SORCS2: variants seen among roughly 807,000 people sequenced by gnomAD.
The protein encoded by SORCS2 is VPS10 domain-containing receptor SorCS2.
SORCS2 carries 100 observed loss-of-function variants against 141.6 expected under a neutral mutation model. The observed-to-expected ratio is 0.71, with a 90% confidence interval of 0.60 to 0.83. SORCS2 has a LOEUF of 0.83. Among genes scored for constraint, SORCS2 ranks in the 40% least tolerant of loss-of-function variants. The probability of loss-of-function intolerance (pLI) is 0.00; values close to 1 mark genes in which losing one functional copy is unlikely to be tolerated. For missense variants in SORCS2, 1,646 were observed against 1,560.2 expected (o/e 1.05, Z -0.93); for synonymous variants, 789 against 676.9 (o/e 1.17, Z -2.57).
At position 7,208,986 on chromosome 4, in the gene SORCS2, G is replaced by A. The variant is rs76340714; in HGVS notation, c.480+15860G>A. Among the ~76,000 whole-genome samples, 1,231 of 152,284 alleles carry A rather than the reference G, an allele frequency of 8.1e-3. 14 individuals are homozygous for A. The highest frequency in any genetic ancestry group is 0.028 in the African/African-American group (1,165 of 41,586). On this transcript the variant is annotated intron_variant, in intron 1 of 26. Transcript: ENST00000507866. ...CCTGCCTCAGGGGGCCCCTGCCTGC[G>A]TCCCTCACCCCGGACCACACTTCTG...
chr4:7,638,011 G>T (rs144766673), intron 3 of SORCS2, among the ~76,000 whole-genome samples: 1 of 152,186 alleles, frequency 6.6e-6, no homozygotes, highest in Non-Finnish European at 1.5e-5. Context: ...ACACTGAGCC[G>T]GTCAGGTTGG....
chr4:7,737,484 G>C (rs1712286656), intron 26 of SORCS2, among the ~76,000 whole-genome samples: 1 of 152,196 alleles, frequency 6.6e-6, no homozygotes, highest in South Asian at 2.1e-4. Context: ...AACAGGGCTG[G>C]CTTTGAAAGG....
At chr4:7,582,947 T>C (rs187895490) in intron 3 of SORCS2, among the ~76,000 whole-genome samples, 57 of 152,344 alleles carry the variant, frequency 3.7e-4, no homozygotes, top group Admixed American at 2.4e-3. Flanking sequence ...ACCGTGGGCT[T>C]ATTCCTTGAA....
intron 7 of SORCS2, among the ~76,000 whole-genome samples, chr4:7,665,698 G>C (rs1577917164): frequency 6.6e-6 from 1 of 152,152 alleles, no homozygotes; most frequent in African/African-American, 2.4e-5. Context: ...CTGAGGCTGG[G>C]CTCTAGGTCT....
intron 1 of SORCS2, among the ~76,000 whole-genome samples, chr4:7,373,479 T>TATATATATATAA (rs60434529): frequency 7.7e-4 from 12 of 15,522 alleles, no homozygotes; most frequent in African/African-American, 1.8e-3. Context: ...TATATATATA[T>TATATATATATAA]TTTTTTTTTT....
chr4:7,421,023 C>T (rs958934432), intron 2 of SORCS2, among the ~76,000 whole-genome samples: 3 of 152,226 alleles, frequency 2.0e-5, no homozygotes, highest in African/African-American at 7.2e-5. Flanking sequence ...TTCTGCCCTC[C>T]TCCTTGGAGA....
At position 7,403,979 on chromosome 4, in the gene SORCS2, A is replaced by G. The variant is rs1358458708; in HGVS notation, c.548+7624A>G. ...CATGTGTGTATATATATATATATAT[A>G]TATATATATATATATATATTTTTTT... On this transcript the variant is annotated intron_variant, in intron 2 of 26. Transcript: ENST00000507866. Among the ~76,000 whole-genome samples the G allele has an allele frequency of 3.1e-3, 56 of 17,866 alleles. 1 individual carries two copies. The highest frequency in any genetic ancestry group is 5.5e-3 in the South Asian group (5 of 912). The allele number at this position is 17,866 out of a possible 152,430, so 11.7% of individuals were successfully genotyped here.
At chr4:7,540,794 C>T (rs1266381391) in intron 3 of SORCS2, among the ~76,000 whole-genome samples, 3 of 152,200 alleles carry the variant, frequency 2.0e-5, no homozygotes, top group African/African-American at 4.8e-5. Flanking sequence ...CCCCGCACCC[C>T]GGGTGTGAAG....
chr4:7,543,899 TCCATCCAC>T (rs1560373696), intron 3 of SORCS2, among the ~76,000 whole-genome samples: 2 of 17,810 alleles, frequency 1.1e-4, no homozygotes, highest in African/African-American at 3.2e-4. Flanking sequence ...CACCCATCCA[TCCATCCAC>T]CCATCCACCC....
intron 3 of SORCS2, among the ~76,000 whole-genome samples, chr4:7,604,064 G>A (rs1717906202): frequency 6.6e-6 from 1 of 152,140 alleles, no homozygotes; most frequent in Non-Finnish European, 1.5e-5. Context: ...CTGTGTGTGT[G>A]TCGTGTGAGG....
intron 2 of SORCS2, among the ~76,000 whole-genome samples, chr4:7,467,326 C>T (rs1368998235): frequency 1.3e-5 from 2 of 152,180 alleles, no homozygotes; most frequent in Non-Finnish European, 2.9e-5. Flanking sequence ...CCCTAGGGCT[C>T]CCACTCAGAT....
rs1409935496 is a variant in SORCS2, at chr4:7,664,906, A to T, written c.1071+435A>T. Among the ~76,000 whole-genome samples the T allele has an allele frequency of 6.6e-6, 1 of 152,178 alleles. No individual in the cohort carries two copies. Among genetic ancestry groups the T allele is most frequent in the East Asian group, 1.9e-4 (1 of 5,190 alleles). On this transcript the variant is annotated intron_variant, in intron 7 of 26. Coordinates refer to ENST00000507866, the MANE Select transcript of SORCS2 (RefSeq NM_020777.3). This position sits in a 1 kb window ranked among gnomAD's most constrained non-coding sequence, Gnocchi z 4.7. ...ACAAGTGGGCCCACCCTCAGCAGCC[A>T]TGTGGTCCCAGCTAATTCAGAAACT...
intron 2 of SORCS2, among the ~76,000 whole-genome samples, chr4:7,451,624 C>T (rs1288143914): frequency 1.3e-5 from 2 of 152,262 alleles, no homozygotes; most frequent in Non-Finnish European, 2.9e-5. Context: ...GCCTTAGTGG[C>T]ATGCAGTCTG....
chr4:7,630,538 C>T (rs2108846775), intron 3 of SORCS2, among the ~76,000 whole-genome samples: 1 of 152,300 alleles, frequency 6.6e-6, no homozygotes, highest in African/African-American at 2.4e-5. Context: ...CCTCTACAGC[C>T]CTCAGGGTCA....
intron 20 of SORCS2, 64 bp downstream of exon 20, chr4:7,725,351 G>A (rs1401767507): frequency 5.8e-6 from 9 of 1,546,200 alleles, no homozygotes; most frequent in South Asian, 1.2e-5. Context: ...TGCACAGTGG[G>A]GCAGAGCATG....
At chr4:7,574,742 G>A (rs1408988856) in intron 3 of SORCS2, among the ~76,000 whole-genome samples, 2 of 152,176 alleles carry the variant, frequency 1.3e-5, no homozygotes, top group African/African-American at 2.4e-5. Context: ...CAACCCCCAT[G>A]AGCAGGAGGA....
chr4:7,525,810 C>A lies in SORCS2; in HGVS notation c.549-5720C>A, dbSNP rs73082865. Among the ~76,000 whole-genome samples the A allele has an allele frequency of 1.8e-5, 2 of 112,144 alleles. 1 individual carries two copies. The allele number at this position is 112,144 out of a possible 152,430, so 73.6% of individuals were successfully genotyped here. On this transcript the variant is annotated intron_variant, in intron 2 of 26. Coordinates refer to ENST00000507866, the MANE Select transcript of SORCS2 (RefSeq NM_020777.3). ...ACCTGTCCCCTCCTCATACCTGTTC[C>A]CTGCAGTCACCTGTCCCCTCAGTCA...
chr4:7,570,064 C>A (rs1715284398), intron 3 of SORCS2, among the ~76,000 whole-genome samples: 1 of 152,126 alleles, frequency 6.6e-6, no homozygotes, highest in African/African-American at 2.4e-5. Context: ...GAGCAGGGCC[C>A]CCATAAATCG....
intron 1 of SORCS2, among the ~76,000 whole-genome samples, chr4:7,267,695 G>A (rs1007601994): frequency 6.6e-6 from 1 of 152,246 alleles, no homozygotes; most frequent in Non-Finnish European, 1.5e-5. Flanking sequence ...GCCAGGCGTG[G>A]TGGCAGGTGC....
Sources: gnomAD v4.1 joint callset for allele counts (sites outside exome capture counted in the v4.1 genomes callset) on GRCh38, gnomAD v4.1.1 for gene constraint, Gnocchi (gnomAD v3.1) non-coding constraint, MANE v1.5 for transcripts, NCBI Gene and HGNC (gene_info 2026-07-23, HGNC 2026-07-21) for gene names.